The following GABRA2 variants were observed in gnomAD, a reference collection of about 807,000 sequenced individuals.
GABRA2 encodes gamma-aminobutyric acid receptor subunit alpha-2.
In GABRA2, 16 loss-of-function variants were observed where a neutral mutation model predicts 48.7. The ratio of observed to expected loss-of-function variants is 0.33; its 90% CI spans 0.22 to 0.50. The LOEUF (loss-of-function observed/expected upper bound fraction) is 0.50. Ranked by LOEUF, GABRA2 falls within the 20% of genes least tolerant of loss-of-function variation. The pLI is 0.98. For missense variants in GABRA2, 275 were observed against 535.6 expected (o/e 0.51, Z 4.80); for synonymous variants, 185 against 184.5 (o/e 1.00, Z -0.02).
At chr4:46,300,789 A>T (rs1204146463) in intron 8 of GABRA2, among the ~76,000 whole-genome samples, 1 of 152,022 alleles carries the variant, frequency 6.6e-6, no homozygotes, top group African/African-American at 2.4e-5. Context: ...TGTTCACCAA[A>T]TCCATTGATA....
chr4:46,342,449 G>C (rs1469493771), intron 3 of GABRA2, among the ~76,000 whole-genome samples: 1 of 151,942 alleles, frequency 6.6e-6, no homozygotes, highest in African/African-American at 2.4e-5. Flanking sequence ...AGTATTAAAA[G>C]CTGTGGCCTT....
intron 3 of GABRA2, among the ~76,000 whole-genome samples, chr4:46,333,830 G>A (rs1560541186): frequency 6.6e-6 from 1 of 152,040 alleles, no homozygotes. Context: ...AGCTAGTAGA[G>A]TAGATAAAAC....
intron 3 of GABRA2, among the ~76,000 whole-genome samples, chr4:46,383,816 T>C (rs1371500983): frequency 2.0e-5 from 3 of 152,096 alleles, no homozygotes; most frequent in Non-Finnish European, 4.4e-5. Context: ...GGAGATCATA[T>C]GACTAAAAGC....
chr4:46,361,549 C>T (rs1000234181), intron 3 of GABRA2, among the ~76,000 whole-genome samples: 1 of 152,222 alleles, frequency 6.6e-6, no homozygotes, highest in Non-Finnish European at 1.5e-5. Context: ...AGAACCTCTG[C>T]TAGAACAATG....
At chr4:46,322,727 A>G (rs946680151) in intron 4 of GABRA2, among the ~76,000 whole-genome samples, 9 of 152,040 alleles carry the variant, frequency 5.9e-5, no homozygotes, top group Admixed American at 2.0e-4. Context: ...ATAAATGAAT[A>G]AGGGGAGTCA....
chr4:46,356,576 G>C (rs564378188), intron 3 of GABRA2, among the ~76,000 whole-genome samples: 1 of 152,084 alleles, frequency 6.6e-6, no homozygotes, highest in Non-Finnish European at 1.5e-5. Context: ...CCTAGACTTC[G>C]CATATAAAAA....
At chr4:46,323,263 C>T (rs926406959) in intron 4 of GABRA2, among the ~76,000 whole-genome samples, 2 of 151,906 alleles carry the variant, frequency 1.3e-5, no homozygotes, top group Non-Finnish European at 2.9e-5. Flanking sequence ...TAATCTCTCC[C>T]AAAATTCCTA....
intron 3 of GABRA2, among the ~76,000 whole-genome samples, chr4:46,385,288 A>C (rs950097125): frequency 1.3e-5 from 2 of 151,802 alleles, no homozygotes; most frequent in Non-Finnish European, 2.9e-5. Flanking sequence ...TTAATTTTGA[A>C]TTAACTGTGA....
At chr4:46,271,428 T>C (rs1303843754) in intron 8 of GABRA2, among the ~76,000 whole-genome samples, 1 of 151,976 alleles carries the variant, frequency 6.6e-6, no homozygotes, top group Non-Finnish European at 1.5e-5. Context: ...GCAAGAACCT[T>C]TGACATTTTG....
At chr4:46,255,526 C>T (rs2109400702) in intron 9 of GABRA2, among the ~76,000 whole-genome samples, 1 of 151,094 alleles carries the variant, frequency 6.6e-6, no homozygotes, top group Non-Finnish European at 1.5e-5. Context: ...GATTTATAAA[C>T]AAAATAAAAT....
chr4:46,384,150 T>C (rs1274346664), intron 3 of GABRA2, among the ~76,000 whole-genome samples: 1 of 152,136 alleles, frequency 6.6e-6, no homozygotes, highest in Non-Finnish European at 1.5e-5. Flanking sequence ...AGTCTAGACC[T>C]GTCTGCCTCC....
intron 4 of GABRA2, among the ~76,000 whole-genome samples, chr4:46,331,423 G>C (rs1028887218): frequency 6.6e-6 from 1 of 152,106 alleles, no homozygotes; most frequent in African/African-American, 2.4e-5. Flanking sequence ...TAACGGAAAC[G>C]TAGGGAGCTC....
intron 3 of GABRA2, among the ~76,000 whole-genome samples, chr4:46,370,871 A>G (rs980525353): frequency 2.0e-5 from 3 of 151,778 alleles, no homozygotes; most frequent in African/African-American, 7.3e-5. Context: ...CCTATTTTCT[A>G]CTCTATTTGC....
intron 3 of GABRA2, among the ~76,000 whole-genome samples, chr4:46,360,242 T>G (rs1239658247): frequency 6.6e-6 from 1 of 152,206 alleles, no homozygotes; most frequent in African/African-American, 2.4e-5. Flanking sequence ...AATTATGATA[T>G]AGTTTGGCTG....
chr4:46,278,314 A>G lies in GABRA2; in HGVS notation c.857-16186T>C, dbSNP rs145324034. The stretch of plus-strand genomic sequence containing the variant: ...CTTCACACATATGGTTCCATGGATC[A>G]TCTTAGGATCCCTATGGGGTAGATA... On this transcript the variant is annotated intron_variant, in intron 8 of 9. Transcript: ENST00000381620. 5.3e-5 allele frequency among the ~76,000 whole-genome samples: 8 copies of G among 152,270 alleles called. No homozygotes were observed. In the East Asian group the frequency reaches 1.4e-3, roughly 26 times the overall value.
At chr4:46,372,734 T>C (rs184021487) in intron 3 of GABRA2, among the ~76,000 whole-genome samples, 23 of 152,290 alleles carry the variant, frequency 1.5e-4, no homozygotes, top group Admixed American at 9.2e-4. Flanking sequence ...CTGTTTCCAA[T>C]TGGCATTAAA....
At chr4:46,332,754 C>T in intron 3 of GABRA2, 72 bp from the exon 4 acceptor site, 2 of 905,020 alleles carry the variant, frequency 2.2e-6, no homozygotes, top group Non-Finnish European at 3.5e-6. Flanking sequence ...GGTTTGAGTA[C>T]ACGGTATGGT....
chr4:46,250,955 T>C (rs1408248761), intron 9 of GABRA2, among the ~76,000 whole-genome samples: 9 of 151,558 alleles, frequency 5.9e-5, no homozygotes, highest in Non-Finnish European at 1.2e-4. Context: ...ATAACTGAAA[T>C]GTAGAAATAT....
intron 3 of GABRA2, chr4:46,365,622 C>T (rs1713921010): frequency 1.3e-5 from 2 of 152,060 alleles, no homozygotes; most frequent in African/African-American, 4.8e-5. Flanking sequence ...TCTTTGTAAC[C>T]TTGCTATAAA....
Sources: gnomAD v4.1 joint callset for allele counts (sites outside exome capture counted in the v4.1 genomes callset) on GRCh38, gnomAD v4.1.1 for gene constraint, MANE v1.5 for transcripts, NCBI Gene and HGNC (gene_info 2026-07-23, HGNC 2026-07-21) for gene names.